Variants in SYCP2L observed in about 807,000 individuals in gnomAD.
SYCP2L encodes the protein synaptonemal complex protein 2-like.
SYCP2L carries 98 observed loss-of-function variants against 125.8 expected under a neutral mutation model. The observed-to-expected ratio is 0.78, with a 90% CI of 0.66 to 0.92. SYCP2L has a LOEUF of 0.92. Among genes scored for constraint, SYCP2L ranks in the 40% least tolerant of loss-of-function variants. SYCP2L has a pLI of 0.00. For missense variants in SYCP2L, 842 were observed against 936.4 expected (o/e 0.90, Z 1.32); for synonymous variants, 317 against 325.4 (o/e 0.97, Z 0.28).
chr6:10,902,460 C>T (rs1780394506), intron 6 of SYCP2L, among the ~76,000 whole-genome samples: 1 of 152,102 alleles, frequency 6.6e-6, no homozygotes, highest in South Asian at 2.1e-4. Flanking sequence ...TCACCAAGAA[C>T]CATGGAAAAT....
intron 21 of SYCP2L, among the ~76,000 whole-genome samples, chr6:10,941,642 G>C (rs1329764690): frequency 1.3e-5 from 2 of 152,162 alleles, no homozygotes; most frequent in Non-Finnish European, 2.9e-5. Flanking sequence ...TAAAAAGTCA[G>C]GAAACAACAG....
At chr6:10,904,347 A>G (rs950994256) in intron 8 of SYCP2L, among the ~76,000 whole-genome samples, 5 of 152,196 alleles carry the variant, frequency 3.3e-5, no homozygotes, top group African/African-American at 1.2e-4. Context: ...TGCGCTAACA[A>G]CCAGCCAGCG....
intron 1 of SYCP2L, among the ~76,000 whole-genome samples, chr6:10,888,514 A>T (rs1044276312): frequency 1.3e-5 from 2 of 152,296 alleles, no homozygotes; most frequent in South Asian, 2.1e-4. Flanking sequence ...CTGCCACATG[A>T]TCTTCACAGA....
chr6:10,928,449 C>G lies in SYCP2L; in HGVS notation c.1487C>G (p.Pro496Arg), dbSNP rs1373532954. 6.3e-7 allele frequency: 1 copy of G among 1,590,388 alleles called. No individual in the cohort carries two copies. Among genetic ancestry groups the G allele is most frequent in the East Asian group, 2.3e-5 (1 of 42,614 alleles). The change falls in exon 18 of 30, where the codon CCT (proline) becomes CGT (arginine). Residue 496 changes from proline (P) to arginine (R), a missense_variant and splice_region_variant. Pro to Arg is a moderately radical substitution (Grantham distance 103, BLOSUM62 -2). Transcript: ENST00000283141. The part of the protein sequence containing the change: ...PFGVPDFPQQ[P>R]KSHYRKHLFS... ...GGGGTCCCTGACTTCCCGCAACAAC[C>G]TGTGAGTACAGGGAGTGGGGCTCAA...
chr6:10,900,913 C>A (rs73723609), intron 6 of SYCP2L, among the ~76,000 whole-genome samples: 14 of 152,196 alleles, frequency 9.2e-5, no homozygotes, highest in African/African-American at 3.4e-4. Flanking sequence ...TTGTCTTGTG[C>A]GAGCTTTATG....
intron 4 of SYCP2L, among the ~76,000 whole-genome samples, 180 bp downstream of exon 4, chr6:10,894,384 G>C (rs1404519946): frequency 6.6e-6 from 1 of 152,186 alleles, no homozygotes; most frequent in Non-Finnish European, 1.5e-5. Context: ...ATTTCCTGAT[G>C]TACCTGCTAT....
At chr6:10,961,201 T>C in intron 26 of SYCP2L, 104 bp from the exon 27 acceptor site, 1 of 872,642 alleles carries the variant, frequency 1.1e-6, no homozygotes, top group South Asian at 1.6e-5. Context: ...AAGAAATGTC[T>C]GGAGAAGAGT....
At chr6:10,942,822 T>TA in intron 23 of SYCP2L, 76 bp downstream of exon 23, 8 of 1,333,590 alleles carry the variant, frequency 6.0e-6, no homozygotes, top group Non-Finnish European at 8.2e-6. Flanking sequence ...ACTGGGCTGT[T>TA]ACTCAGATTG....
At chr6:10,897,894 T>TGGAATGGGAAC in intron 4 of SYCP2L, 117 bp from the exon 5 acceptor site, 1 of 712,010 alleles carries the variant, frequency 1.4e-6, no homozygotes, top group Non-Finnish European at 2.4e-6. Context: ...TGAAATGGAA[T>TGGAATGGGAAC]GGAATGGGAA....
chr6:10,956,097 T>G, intron 24 of SYCP2L, 39 bp from the exon 25 acceptor site: 1 of 1,515,326 alleles, frequency 6.6e-7, no homozygotes, highest in Non-Finnish European at 9.1e-7. Flanking sequence ...CTTTGAACAC[T>G]TTGTTAGTTT....
chr6:10,967,509 AAAAG>A (rs1386858338), intron 29 of SYCP2L, among the ~76,000 whole-genome samples: 3 of 136,980 alleles, frequency 2.2e-5, no homozygotes, highest in African/African-American at 5.1e-5. Context: ...TGAGGAGAAA[AAAAG>A]AAAAACCATT....
intron 29 of SYCP2L, among the ~76,000 whole-genome samples, chr6:10,967,932 A>G (rs746930442): frequency 6.6e-6 from 1 of 152,164 alleles, no homozygotes; most frequent in African/African-American, 2.4e-5. Flanking sequence ...AGAAGGCTTC[A>G]TCTAGGGGAG....
At position 10,893,898 on chromosome 6, in the gene SYCP2L, A is replaced by T; in HGVS notation, c.110A>T (p.Asp37Val). Residue 37 changes from aspartate to valine, a missense_variant, in exon 3 of 30, where the codon GAT (aspartate) becomes GTT (valine). By Grantham distance (152) the Asp-to-Val change is radical. Coordinates refer to ENST00000283141, the MANE Select transcript of SYCP2L (RefSeq NM_001040274.3). ...TCACTTATTACGGATGCATTCCATG[A>T]TAAAGGATTTCAGAAAATAAAAGAA... ...LQSLITDAFH[D>V]KGFQKIKEYF... 6.2e-7 allele frequency: 1 copy of T among 1,610,298 alleles called. No individual in the cohort carries two copies. Among genetic ancestry groups the T allele is most frequent in the Non-Finnish European group, 8.5e-7 (1 of 1,179,242 alleles).
chr6:10,912,304 G>T lies in SYCP2L; in HGVS notation c.919-369G>T, dbSNP rs1780625476. 6.6e-6 allele frequency among the ~76,000 whole-genome samples: 1 copy of T among 152,116 alleles called. No individual in the cohort carries two copies. The highest frequency in any genetic ancestry group is 1.5e-5 in the Non-Finnish European group (1 of 68,018). On this transcript the variant is annotated intron_variant, in intron 12 of 29. Transcript: ENST00000283141. The surrounding 1 kb of genome is among the most constrained non-coding windows in gnomAD (Gnocchi z 4.1). Reference sequence around the variant, plus strand: ...GGCAAATCACTCATGTTTGGTTACAGTATCTCCTTCTCCAGAAGTTTCCAT... The same window carrying T: ...GGCAAATCACTCATGTTTGGTTACATTATCTCCTTCTCCAGAAGTTTCCAT...
rs1198125481 is a variant in SYCP2L, at chr6:10,898,082, T to TTG, written c.412_413dup (p.Ile139LeufsTer2). The TTG allele has an allele frequency of 6.2e-7, 1 of 1,614,096 alleles. No homozygotes were observed. The highest frequency in any genetic ancestry group is 1.1e-5 in the South Asian group (1 of 91,088). ...GCCTAGCCTCAGACACGTCGCTGATTTGTGTTATAGAAGATTTCTTTGACA... is the reference window on the plus strand; with the variant it reads ...GCCTAGCCTCAGACACGTCGCTGATTTGTGTGTTATAGAAGATTTCTTTGACA... On this transcript the variant is annotated frameshift_variant, in exon 5 of 30. Transcript: ENST00000283141. LOFTEE classifies it high-confidence loss of function.
rs370572540 is a variant in SYCP2L, at chr6:10,928,508, G to A, written c.1488+58G>A. 1.4e-3 allele frequency: 2,046 copies of A among 1,482,684 alleles called. 31 individuals carry two copies. The South Asian group carries it at 0.022, about 16-fold the overall frequency. The allele number at this position is 1,482,684 out of a possible 1,614,324, so 91.8% of individuals were successfully genotyped here. A position where few individuals can be genotyped will look rare whatever the true frequency, so the allele number is the denominator to read the frequency against. On this transcript the variant is annotated intron_variant, in intron 18 of 29. Transcript: ENST00000283141. ...TCTGTCTCCAGTGGGACTGTGACAG[G>A]TGGAAGCCACCTTTCCTGGTTCATG...
chr6:10,943,204 C>T (rs948942975), intron 23 of SYCP2L, among the ~76,000 whole-genome samples: 1 of 152,144 alleles, frequency 6.6e-6, no homozygotes, highest in Non-Finnish European at 1.5e-5. Context: ...GATTTCCAGT[C>T]TGGTTCACAA....
rs1226992236 is a variant in SYCP2L at position 10,923,380 on chromosome 6, C to CTTTTT, written c.1073-1097_1073-1093dup. Among the ~76,000 whole-genome samples the CTTTTT allele has an allele frequency of 4.0e-4, 37 of 92,474 alleles. 1 individual carries two copies. The highest frequency in any genetic ancestry group is 9.1e-4 in the East Asian group (3 of 3,292). The allele number at this position is 92,474 out of a possible 152,430, so 60.7% of individuals were successfully genotyped here. On this transcript the variant is annotated intron_variant, in intron 14 of 29. Coordinates refer to ENST00000283141, the MANE Select transcript of SYCP2L (RefSeq NM_001040274.3). ...AGGAGGCTATTGTCTGAAACACACA[C>CTTTTT]TTTTTTTTTTTTTTTTTTTTTTTGA...
intron 12 of SYCP2L, 43 bp downstream of exon 12, chr6:10,910,912 G>A: frequency 1.9e-6 from 3 of 1,607,000 alleles, no homozygotes; most frequent in Non-Finnish European, 2.6e-6. Context: ...GGTGTGCAGT[G>A]AAACCAGGAG....
Sources: gnomAD v4.1 joint callset for allele counts (sites outside exome capture counted in the v4.1 genomes callset) on GRCh38, gnomAD v4.1.1 for gene constraint, Gnocchi (gnomAD v3.1) non-coding constraint, MANE v1.5 for transcripts, NCBI Gene and HGNC (gene_info 2026-07-23, HGNC 2026-07-21) for gene names.